SCN1A: variants seen among roughly 807,000 people sequenced by gnomAD.
The protein encoded by SCN1A is sodium channel protein type 1 subunit alpha.
Under a neutral mutation model 193.7 loss-of-function variants are expected in SCN1A, and 13 were observed. The ratio of observed to expected loss-of-function variants is 0.07; its 90% CI spans 0.04 to 0.11. SCN1A has a LOEUF of 0.11. SCN1A is among the 10% of genes least tolerant of loss of function. The pLI is 1.00. For missense variants in SCN1A, 1,432 were observed against 2,451.1 expected, an observed-to-expected ratio of 0.58 and a Z score of 8.78; for synonymous variants, 781 against 843.6, an observed-to-expected ratio of 0.93 and a Z score of 1.29.
intron 2 of SCN1A, among the ~76,000 whole-genome samples, chr2:166,093,159 T>C (rs916771077): frequency 1.3e-5 from 2 of 151,582 alleles, no homozygotes; most frequent in Non-Finnish European, 2.9e-5. Flanking sequence ...AAGCTATGTC[T>C]GGCCATGACC....
intron 24 of SCN1A, among the ~76,000 whole-genome samples, chr2:166,001,461 GTT>G (rs1690828568): frequency 6.6e-6 from 1 of 151,744 alleles, no homozygotes; most frequent in Non-Finnish European, 1.5e-5. Context: ...ACCAGTGTTG[GTT>G]TGTTTGCTTA....
chr2:166,097,238 T>C (rs1234399973), intron 2 of SCN1A, among the ~76,000 whole-genome samples: 1 of 151,540 alleles, frequency 6.6e-6, no homozygotes, highest in Non-Finnish European at 1.5e-5. Flanking sequence ...CCCAGGCTGG[T>C]CTTGAACTCG....
chr2:166,052,070 G>T (rs1230374753), intron 8 of SCN1A, 82 bp from the exon 9 acceptor site: 2 of 1,319,908 alleles, frequency 1.5e-6, no homozygotes, highest in Non-Finnish European at 2.1e-6. Flanking sequence ...TGAAAACATA[G>T]ATTTCATTCA....
chr2:166,000,397 A>C (rs1179076988), intron 24 of SCN1A, among the ~76,000 whole-genome samples: 2 of 151,758 alleles, frequency 1.3e-5, no homozygotes, highest in African/African-American at 4.8e-5. Flanking sequence ...ATAATAAGTT[A>C]ATATGAATAA....
chr2:166,107,483 A>T (rs1315308013), intron 2 of SCN1A, among the ~76,000 whole-genome samples: 1 of 152,200 alleles, frequency 6.6e-6, no homozygotes, highest in African/African-American at 2.4e-5. Flanking sequence ...TCAAAAGTTA[A>T]AATACAGAAT....
chr2:166,048,126 G>C (rs578248689), intron 10 of SCN1A, among the ~76,000 whole-genome samples: 1 of 152,134 alleles, frequency 6.6e-6, no homozygotes, highest in East Asian at 1.9e-4. Flanking sequence ...AAAAAAGTAG[G>C]AACAGGATTA....
chr2:166,066,174 A>G (rs966803408), intron 4 of SCN1A, among the ~76,000 whole-genome samples: 2 of 152,170 alleles, frequency 1.3e-5, no homozygotes, highest in Non-Finnish European at 2.9e-5. Context: ...AGAGCCCTCA[A>G]CCTCTTCTCC....
intron 8 of SCN1A, among the ~76,000 whole-genome samples, chr2:166,052,537 A>C (rs1258865874): frequency 6.6e-6 from 1 of 151,854 alleles, no homozygotes; most frequent in Non-Finnish European, 1.5e-5. Context: ...CATAGTCATT[A>C]ATGACTCTAA....
chr2:166,063,392 C>A (rs941143074), intron 4 of SCN1A, among the ~76,000 whole-genome samples: 1 of 151,982 alleles, frequency 6.6e-6, no homozygotes, highest in Non-Finnish European at 1.5e-5. Flanking sequence ...GGCATATATA[C>A]AATAAGTTGG....
At chr2:166,055,880 A>C (rs554017238) in intron 6 of SCN1A, among the ~76,000 whole-genome samples, 1 of 152,122 alleles carries the variant, frequency 6.6e-6, no homozygotes, top group South Asian at 2.1e-4. Context: ...TTTAGTCTTC[A>C]GTCTACTGAA....
At chr2:166,106,819 G>A (rs556473830) in intron 2 of SCN1A, among the ~76,000 whole-genome samples, 2 of 152,044 alleles carry the variant, frequency 1.3e-5, no homozygotes, top group Non-Finnish European at 2.9e-5. Flanking sequence ...AGGAAGAGAA[G>A]CCCCTTCCTC....
upstream of SCN1A, among the ~76,000 whole-genome samples, chr2:166,130,948 G>A (rs183227842): frequency 6.6e-6 from 1 of 152,214 alleles, no homozygotes; most frequent in Non-Finnish European, 1.5e-5. Context: ...ACAAAACTCT[G>A]TGCTACCCTA....
At chr2:166,015,993 AC>A (rs1379056082) in intron 19 of SCN1A, 13 of 415,424 alleles carry the variant, frequency 3.1e-5, no homozygotes, top group Non-Finnish European at 5.8e-5. Context: ...ACTGAGCAAA[AC>A]ACTGCCTTGT....
At position 165,989,942 on chromosome 2, in the gene SCN1A, A is replaced by G. The variant is rs1352003792; in HGVS notation, c.*1303T>C. 6.6e-6 allele frequency: 1 copy of G among 152,616 alleles called. No individual in the cohort carries two copies. The highest frequency in any genetic ancestry group is 1.5e-5 in the Non-Finnish European group (1 of 68,032). The allele number at this position is 152,616 out of a possible 1,614,324, so 9.5% of individuals were successfully genotyped here. A position where few individuals can be genotyped will look rare whatever the true frequency, so the allele number is the denominator to read the frequency against. ...ATCCACTTAAAATGTAAAAATAACC[A>G]AAAAGCTGTTAAAGTGCTGCAAACT... On this transcript the variant is annotated 3_prime_UTR_variant, in exon 29 of 29. Coordinates refer to ENST00000674923, the MANE Select transcript of SCN1A (RefSeq NM_001165963.4).
chr2:166,105,071 A>G lies in SCN1A; in HGVS notation c.-142+21853T>C, dbSNP rs192835610. 3.7e-3 allele frequency among the ~76,000 whole-genome samples: 557 copies of G among 152,336 alleles called. 6 individuals carry two copies. Among genetic ancestry groups the G allele is most frequent in the African/African-American group, 0.013 (524 of 41,596 alleles). On this transcript the variant is annotated intron_variant, in intron 2 of 28. Coordinates refer to ENST00000674923, the MANE Select transcript of SCN1A (RefSeq NM_001165963.4). ...TGTCTTACTCCTTAGGATTTTTGCT[A>G]TAGAGGAAAAAGTGTGAAGTTTTCT...
At position 165,991,113 on chromosome 2, in the gene SCN1A, C is replaced by T; in HGVS notation, c.*132G>A. The T allele has an allele frequency of 2.6e-6, 2 of 774,852 alleles. No homozygotes were observed. The highest frequency in any genetic ancestry group is 4.1e-6 in the Non-Finnish European group (2 of 484,056). 48.0% of individuals were successfully genotyped at this position (774,852 alleles called of 1,614,324 possible). A position where few individuals can be genotyped will look rare whatever the true frequency, so the allele number is the denominator to read the frequency against. On this transcript the variant is annotated 3_prime_UTR_variant, in exon 29 of 29. Coordinates refer to ENST00000674923, the MANE Select transcript of SCN1A (RefSeq NM_001165963.4). Reference sequence around the variant, plus strand: ...AGGGGTCACTGTCTTATTGTAGGCACTGACCTTAAGGAGATTTGTGTAAAA... The same window carrying T: ...AGGGGTCACTGTCTTATTGTAGGCATTGACCTTAAGGAGATTTGTGTAAAA...
chr2:166,047,350 T>C (rs931170720), intron 11 of SCN1A, among the ~76,000 whole-genome samples: 4 of 151,964 alleles, frequency 2.6e-5, no homozygotes, highest in Non-Finnish European at 5.9e-5. Flanking sequence ...TTTGAGGGGG[T>C]AGATAGGGCT....
At chr2:166,138,952 A>C (rs4309588) in intron 1 of SCN1A, among the ~76,000 whole-genome samples, 40 of 151,958 alleles carry the variant, frequency 2.6e-4, no homozygotes, top group Non-Finnish European at 5.6e-4. Context: ...GAGACATGGA[A>C]TCAAAGATCA....
intron 2 of SCN1A, among the ~76,000 whole-genome samples, chr2:166,078,373 CTAAAT>C (rs1380634821): frequency 2.0e-5 from 3 of 146,570 alleles, no homozygotes; most frequent in African/African-American, 8.1e-5. Context: ...AATTTTTTTC[CTAAAT>C]TAATTTTCTT....
Sources: allele counts gnomAD v4.1 joint callset (sites outside exome capture counted in the v4.1 genomes callset), GRCh38; gene constraint gnomAD v4.1.1; transcripts MANE v1.5; gene names NCBI Gene and HGNC (gene_info 2026-07-23, HGNC 2026-07-21).